PCDH15: variants seen among roughly 807,000 people sequenced by gnomAD.
The protein encoded by PCDH15 is protocadherin-15.
PCDH15 carries 129 observed loss-of-function variants against 178.5 expected under a neutral mutation model. The observed-to-expected ratio is 0.72, with a 90% confidence interval of 0.63 to 0.84. The LOEUF (loss-of-function observed/expected upper bound fraction) is 0.84. PCDH15 is among the 40% of genes least tolerant of loss of function. The pLI, the probability that PCDH15 is intolerant of heterozygous loss-of-function variation, is 0.00. For synonymous variants in PCDH15, 800 were observed against 732.0 expected (o/e 1.09, Z -1.50); for missense variants, 2,230 against 2,099.9 (o/e 1.06, Z -1.21).
intron 3 of PCDH15, among the ~76,000 whole-genome samples, chr10:54,440,938 C>A (rs1414743300): frequency 1.3e-5 from 2 of 151,904 alleles, no homozygotes; most frequent in East Asian, 1.9e-4. Flanking sequence ...CTTATTTTAA[C>A]CTTTGATGAC....
chr10:55,276,111 C>T (rs117857264), intron 1 of PCDH15, among the ~76,000 whole-genome samples: 1,517 of 150,520 alleles, frequency 0.01, 13 homozygotes, highest in Non-Finnish European at 0.016. Context: ...TAAAAAAATT[C>T]GTATTAATTC....
rs71004492 is a variant in PCDH15, at chr10:53,888,576, G to GT, written c.3501+14666dup. Among the ~76,000 whole-genome samples the GT allele has an allele frequency of 2.3e-3, 91 of 39,460 alleles. 5 individuals carry two copies. Among genetic ancestry groups the GT allele is most frequent in the Admixed American group, 4.5e-3 (10 of 2,214 alleles). 25.9% of individuals were successfully genotyped at this position (39,460 alleles called of 152,430 possible). On this transcript the variant is annotated intron_variant, in intron 26 of 37. Transcript: ENST00000644397. ...GTCGCTTCACAATTTGATTTTGTCTGTTTTTTTTTTTTTTTTTTTTTTAGT... is the reference window on the plus strand; with the variant it reads ...GTCGCTTCACAATTTGATTTTGTCTGTTTTTTTTTTTTTTTTTTTTTTTAGT...
At chr10:54,259,524 TAAGAA>T (rs1591464578) in intron 8 of PCDH15, among the ~76,000 whole-genome samples, 1 of 152,230 alleles carries the variant, frequency 6.6e-6, no homozygotes, top group Non-Finnish European at 1.5e-5. Context: ...TAAGAGAAGA[TAAGAA>T]AAGAAGTAGA....
intron 2 of PCDH15, among the ~76,000 whole-genome samples, chr10:54,929,045 C>T (rs1454532192): frequency 1.3e-5 from 2 of 152,198 alleles, no homozygotes; most frequent in African/African-American, 4.8e-5. Flanking sequence ...GGTTCTTTCT[C>T]ATCTTTGTGG....
chr10:54,315,406 T>C (rs2061182347), intron 8 of PCDH15, among the ~76,000 whole-genome samples: 1 of 152,196 alleles, frequency 6.6e-6, no homozygotes, highest in Non-Finnish European at 1.5e-5. Flanking sequence ...TAATTTTAAA[T>C]TCCTCATAGA....
At chr10:54,716,327 C>T (rs1403583270) in intron 1 of PCDH15, among the ~76,000 whole-genome samples, 1 of 152,084 alleles carries the variant, frequency 6.6e-6, no homozygotes, top group Non-Finnish European at 1.5e-5. Context: ...TAAGTGACAC[C>T]TACTGGCCTA....
intron 3 of PCDH15, among the ~76,000 whole-genome samples, chr10:54,416,289 C>T (rs1040506110): frequency 6.6e-6 from 1 of 152,032 alleles, no homozygotes; most frequent in Admixed American, 6.6e-5. Flanking sequence ...CCCCACCCCC[C>T]AAAAGGCCCT....
At chr10:55,574,199 G>A (rs927480859) in intron 2 of PCDH15, among the ~76,000 whole-genome samples, 2 of 151,978 alleles carry the variant, frequency 1.3e-5, no homozygotes, top group Non-Finnish European at 2.9e-5. Context: ...TAACTGGATA[G>A]TTTTCTCTAT....
intron 1 of PCDH15, among the ~76,000 whole-genome samples, chr10:54,774,373 A>C (rs1949467065): frequency 6.6e-6 from 1 of 152,134 alleles, no homozygotes; most frequent in Non-Finnish European, 1.5e-5. Context: ...CATTAAGGGC[A>C]GTAAAACAAT....
chr10:54,688,753 G>A (rs941536257), intron 1 of PCDH15, among the ~76,000 whole-genome samples: 2 of 151,942 alleles, frequency 1.3e-5, no homozygotes, highest in Non-Finnish European at 2.9e-5. Flanking sequence ...CCCAAAAGCA[G>A]CATCTCAAAA....
At chr10:55,455,999 A>G (rs1397471843) in intron 2 of PCDH15, among the ~76,000 whole-genome samples, 1 of 152,138 alleles carries the variant, frequency 6.6e-6, no homozygotes, top group East Asian at 1.9e-4. Flanking sequence ...ATTTAGTATT[A>G]TAACAGTTTC....
rs776746569 is a variant in PCDH15 at position 55,440,167 on chromosome 10, G to A, written c.-156+187458C>T. On this transcript the variant is annotated intron_variant, in intron 2 of 5. Coordinates refer to the PCDH15 transcript ENST00000613346. ...TGTGAACAAAAAATAAACTGAGGGT[G>A]GTGATAGGGATATCTGACAAGTTAT... 4.6e-5 allele frequency among the ~76,000 whole-genome samples: 7 copies of A among 152,082 alleles called. No individual in the cohort carries two copies. In the South Asian group the frequency reaches 6.2e-4, roughly 14 times the overall value.
intron 2 of PCDH15, among the ~76,000 whole-genome samples, chr10:54,985,568 G>A (rs538232254): frequency 6.6e-6 from 1 of 152,198 alleles, no homozygotes; most frequent in South Asian, 2.1e-4. Context: ...AAAATCATCT[G>A]GCAACACGTT....
chr10:54,174,151 T>C (rs2047183539), intron 13 of PCDH15, among the ~76,000 whole-genome samples: 1 of 152,120 alleles, frequency 6.6e-6, no homozygotes, highest in South Asian at 2.1e-4. Flanking sequence ...CACTGGCTAA[T>C]GAATGAAGAA....
At position 55,156,589 on chromosome 10, in the gene PCDH15, C is replaced by T. The variant is rs1036854131; in HGVS notation, c.-80+9987G>A. ...AGAATCCAGGCAATAAATATACCTACGTGCACATGTAAAATTGACTCTCTT... is the reference window on the plus strand; with the variant it reads ...AGAATCCAGGCAATAAATATACCTATGTGCACATGTAAAATTGACTCTCTT... On this transcript the variant is annotated intron_variant, in intron 2 of 5. Transcript: ENST00000458638. Among the ~76,000 whole-genome samples the T allele has an allele frequency of 5.3e-5, 8 of 152,234 alleles. No individual in the cohort carries two copies. The South Asian group carries it at 6.2e-4, about 12-fold the overall frequency.
At position 54,198,495 on chromosome 10, in the gene PCDH15, CTTTTTTTTTTTT is replaced by C. The variant is rs1186240206; in HGVS notation, c.1099-2618_1099-2607del. On this transcript the variant is annotated intron_variant, in intron 10 of 37. Coordinates refer to ENST00000644397, the MANE Select transcript of PCDH15 (RefSeq NM_001384140.1). The stretch of plus-strand genomic sequence containing the variant: ...CATCTTTCTTTAATATCTAATTATT[CTTTTTTTTTTTT>C]TTTTTTTTTTTTGAGACAAAGTCTC... Among the ~76,000 whole-genome samples the C allele has an allele frequency of 1.3e-4, 4 of 31,172 alleles. 1 individual carries two copies. Among genetic ancestry groups the C allele is most frequent in the Admixed American group, 6.8e-4 (1 of 1,474 alleles). The allele number at this position is 31,172 out of a possible 152,430, so 20.5% of individuals were successfully genotyped here.
intron 7 of PCDH15, among the ~76,000 whole-genome samples, chr10:54,319,715 ATTTTT>A (rs200357332): frequency 6.7e-6 from 1 of 149,460 alleles, no homozygotes; most frequent in African/African-American, 2.5e-5. Flanking sequence ...ACAGACCTGT[ATTTTT>A]TTTTTTTTGT....
At chr10:53,876,993 GATAACATCTATTTAGA>G (rs1244249796) in intron 26 of PCDH15, among the ~76,000 whole-genome samples, 1 of 151,918 alleles carries the variant, frequency 6.6e-6, no homozygotes, top group African/African-American at 2.4e-5. Flanking sequence ...AAAATTACAG[GATAACATCTATTTAGA>G]AAATTAAAGA....
chr10:55,591,973 G>T (rs1238133716), intron 2 of PCDH15, among the ~76,000 whole-genome samples: 4 of 152,034 alleles, frequency 2.6e-5, no homozygotes, highest in Admixed American at 1.3e-4. Context: ...TTCTATACAT[G>T]TAAATTAAAG....
Sources: allele counts gnomAD v4.1 joint callset (sites outside exome capture counted in the v4.1 genomes callset), GRCh38; gene constraint gnomAD v4.1.1; transcripts MANE v1.5; gene names NCBI Gene and HGNC (gene_info 2026-07-23, HGNC 2026-07-21).